The following ENTREP2 variants were observed in gnomAD, a reference collection of about 807,000 sequenced individuals.
ENTREP2 encodes the protein endosomal transmembrane epsin interactor 2, also known as protein ENTREP2.
the ENTREP2 span, among the ~76,000 whole-genome samples, chr15:29,259,582 TC>T: frequency 6.6e-6 from 1 of 152,118 alleles, no homozygotes; most frequent in Non-Finnish European, 1.5e-5. Context: ...CACAGGCCAA[TC>T]CCTACTTTCC....
the ENTREP2 span, among the ~76,000 whole-genome samples, chr15:29,293,910 C>T: frequency 1.9e-4 from 29 of 152,322 alleles, no homozygotes; most frequent in Admixed American, 1.0e-3. Flanking sequence ...GTCCTCACAG[C>T]GCATCCTGCA....
chr15:29,343,666 C>T, the ENTREP2 span, among the ~76,000 whole-genome samples: 1 of 152,026 alleles, frequency 6.6e-6, no homozygotes, highest in African/African-American at 2.4e-5. Context: ...AACACGGGAA[C>T]ACTTGGAGGA....
the ENTREP2 span, among the ~76,000 whole-genome samples, chr15:29,306,664 A>ATTTTTTTTTTTTTTTTT: frequency 2.1e-4 from 16 of 77,336 alleles, 2 homozygotes; most frequent in Non-Finnish European, 3.5e-4. Flanking sequence ...ATAATTGGTA[A>ATTTTTTTTTTTTTTTTT]TTTTTTTTTT....
the ENTREP2 span, among the ~76,000 whole-genome samples, chr15:29,461,798 A>G: frequency 6.6e-6 from 1 of 152,096 alleles, no homozygotes; most frequent in Non-Finnish European, 1.5e-5. Context: ...TTTTAAGTGT[A>G]TGGTTCAGCA....
chr15:29,193,543 C>T, the ENTREP2 span, among the ~76,000 whole-genome samples: 2 of 152,130 alleles, frequency 1.3e-5, no homozygotes, highest in African/African-American at 4.8e-5. Context: ...CTTTTGACTT[C>T]GACTGAGCCA....
the ENTREP2 span, among the ~76,000 whole-genome samples, chr15:29,644,906 C>T: frequency 6.6e-6 from 1 of 151,528 alleles, no homozygotes; most frequent in Non-Finnish European, 1.5e-5. Context: ...GTTACTAACC[C>T]AGTCAGAAGA....
chr15:29,330,766 T>C, the ENTREP2 span, among the ~76,000 whole-genome samples: 1 of 152,134 alleles, frequency 6.6e-6, no homozygotes, highest in East Asian at 1.9e-4. Flanking sequence ...TGTAGCGATA[T>C]TGGCTCATTC....
At chr15:29,262,667 T>G in the ENTREP2 span, among the ~76,000 whole-genome samples, 1 of 152,236 alleles carries the variant, frequency 6.6e-6, no homozygotes, top group Admixed American at 6.5e-5. Context: ...CCCTTTATAA[T>G]AAACCAGTAA....
the ENTREP2 span, among the ~76,000 whole-genome samples, chr15:29,212,428 G>A: frequency 2.0e-5 from 3 of 151,994 alleles, no homozygotes; most frequent in South Asian, 2.1e-4. Context: ...TCAAAGAACC[G>A]GCTTTTTGTT....
At chr15:29,429,546 T>C in the ENTREP2 span, among the ~76,000 whole-genome samples, 11 of 152,310 alleles carry the variant, frequency 7.2e-5, no homozygotes, top group African/African-American at 1.2e-4. Context: ...AATTTGGGAC[T>C]CCCACGTTGG....
chr15:29,243,792 A>C, the ENTREP2 span, among the ~76,000 whole-genome samples: 3 of 152,216 alleles, frequency 2.0e-5, no homozygotes, highest in African/African-American at 7.2e-5. Flanking sequence ...AATGATCCCC[A>C]AAAAGAAAGA....
At chr15:29,119,335 A>T in the ENTREP2 span, among the ~76,000 whole-genome samples, 103 of 48,702 alleles carry the variant, frequency 2.1e-3, 28 homozygotes, top group African/African-American at 3.8e-3. Flanking sequence ...CATTCTCAGT[A>T]AACTATCGCA....
the ENTREP2 span, among the ~76,000 whole-genome samples, chr15:29,625,978 C>CTGGAAT: frequency 6.6e-6 from 1 of 152,116 alleles, no homozygotes; most frequent in African/African-American, 2.4e-5. Context: ...TCCTAAGTAG[C>CTGGAAT]TGGAATTACA....
the ENTREP2 span, among the ~76,000 whole-genome samples, chr15:29,144,116 C>T: frequency 6.6e-6 from 1 of 152,152 alleles, no homozygotes; most frequent in Non-Finnish European, 1.5e-5. Context: ...CTGAGGAAAG[C>T]ACAAAACACC....
chr15:29,385,131 T>C, the ENTREP2 span, among the ~76,000 whole-genome samples: 1 of 152,174 alleles, frequency 6.6e-6, no homozygotes, highest in South Asian at 2.1e-4. Flanking sequence ...ATTGAACGCC[T>C]TGACCTCTTC....
At chr15:29,560,468 C>T in the ENTREP2 span, among the ~76,000 whole-genome samples, 2 of 152,170 alleles carry the variant, frequency 1.3e-5, no homozygotes, top group Admixed American at 1.3e-4. Flanking sequence ...TGCTGACCAG[C>T]TGCAGTGAAG....
At chr15:29,444,213 A>G in the ENTREP2 span, among the ~76,000 whole-genome samples, 1 of 150,038 alleles carries the variant, frequency 6.7e-6, no homozygotes, top group Non-Finnish European at 1.5e-5. Context: ...AAAGAAAGAA[A>G]GAAAGAAAGA....
the ENTREP2 span, among the ~76,000 whole-genome samples, chr15:29,533,568 A>G: frequency 6.6e-6 from 1 of 152,176 alleles, no homozygotes; most frequent in African/African-American, 2.4e-5. Flanking sequence ...AAGAGTCTTA[A>G]GTGGTATATG....
chr15:29,589,716 C>G, the ENTREP2 span, among the ~76,000 whole-genome samples: 3 of 152,182 alleles, frequency 2.0e-5, no homozygotes, highest in Admixed American at 2.0e-4. Context: ...CAGACTTTGT[C>G]TGCGTCAGAT....
Sources: gnomAD v4.1 joint callset for allele counts (sites outside exome capture counted in the v4.1 genomes callset) on GRCh38, gnomAD v4.1.1 for gene constraint, MANE v1.5 for transcripts, NCBI Gene and HGNC (gene_info 2026-07-23, HGNC 2026-07-21) for gene names.